Variants in SPIDR observed in about 807,000 individuals in gnomAD.
The protein encoded by SPIDR is scaffold protein involved in DNA repair, also known as DNA repair-scaffolding protein.
A neutral mutation model predicts 104.6 loss-of-function variants in SPIDR; 93 were observed. The ratio of observed to expected loss-of-function variants is 0.89; its 90% confidence interval spans 0.75 to 1.06. The LOEUF (loss-of-function observed/expected upper bound fraction) is 1.06, where lower values mean the gene tolerates loss of function less well. Ranked by LOEUF, SPIDR falls within the 50% of genes least tolerant of loss-of-function variation. The pLI, the probability that SPIDR is intolerant of heterozygous loss-of-function variation, is 0.00. For synonymous variants in SPIDR, 431 were observed against 416.9 expected (o/e 1.03, Z -0.41); for missense variants, 1,154 against 1,111.2 (o/e 1.04, Z -0.55).
chr8:47,369,160 G>A (rs1360962017), intron 5 of SPIDR, among the ~76,000 whole-genome samples: 1 of 152,146 alleles, frequency 6.6e-6, no homozygotes, highest in Admixed American at 6.5e-5. Flanking sequence ...CATTGTGCAG[G>A]AACAGGTGAG....
intron 8 of SPIDR, among the ~76,000 whole-genome samples, chr8:47,558,365 A>G (rs933466310): frequency 3.9e-4 from 59 of 152,342 alleles, no homozygotes; most frequent in Admixed American, 1.1e-3. Context: ...CAGGTTGGGT[A>G]CACTGTTATA....
At chr8:47,376,446 C>T (rs2058672480) in intron 5 of SPIDR, among the ~76,000 whole-genome samples, 1 of 152,162 alleles carries the variant, frequency 6.6e-6, no homozygotes, top group South Asian at 2.1e-4. Flanking sequence ...TCATGCCCAG[C>T]CTTCTGTTTA....
At chr8:47,616,646 C>T (rs1259509747) in intron 10 of SPIDR, among the ~76,000 whole-genome samples, 1 of 152,156 alleles carries the variant, frequency 6.6e-6, no homozygotes, top group Non-Finnish European at 1.5e-5. Context: ...TTACTTTTAA[C>T]ATGCTTCTCA....
rs1172493600 is a variant in SPIDR at position 47,406,917 on chromosome 8, G to T, written c.777-944G>T. On this transcript the variant is annotated intron_variant, in intron 6 of 19. Transcript: ENST00000297423. ...TCAAAGGGATATTATTTGAATAAAG[G>T]TAATGTAGTGAAATGATTAATGAAT... 3.9e-5 allele frequency among the ~76,000 whole-genome samples: 6 copies of T among 152,238 alleles called. No individual in the cohort carries two copies. The East Asian group carries it at 9.7e-4, about 25-fold the overall frequency.
intron 5 of SPIDR, among the ~76,000 whole-genome samples, chr8:47,318,319 C>T (rs531986500): frequency 1.3e-5 from 2 of 151,704 alleles, no homozygotes; most frequent in Non-Finnish European, 2.9e-5. Context: ...GTAGCCGATT[C>T]GATCAACTGG....
intron 5 of SPIDR, among the ~76,000 whole-genome samples, chr8:47,329,599 A>G (rs2048313548): frequency 6.6e-6 from 1 of 152,146 alleles, no homozygotes; most frequent in Non-Finnish European, 1.5e-5. Context: ...TACTAGTTTT[A>G]TGCCAGTCAC....
chr8:47,587,463 C>T (rs1286855813), intron 8 of SPIDR, among the ~76,000 whole-genome samples: 3 of 151,750 alleles, frequency 2.0e-5, no homozygotes, highest in Non-Finnish European at 4.4e-5. Context: ...AAAAAAATAA[C>T]GGGGCATGGT....
intron 5 of SPIDR, among the ~76,000 whole-genome samples, chr8:47,362,374 G>T (rs2056192727): frequency 6.6e-6 from 1 of 152,146 alleles, no homozygotes; most frequent in African/African-American, 2.4e-5. Context: ...GTCCTCCTAT[G>T]CATCCTGTGG....
intron 7 of SPIDR, among the ~76,000 whole-genome samples, chr8:47,438,804 A>G (rs1233306991): frequency 6.6e-6 from 1 of 152,238 alleles, no homozygotes; most frequent in Non-Finnish European, 1.5e-5. Context: ...GGCCCAGTAT[A>G]TGGACATGTG....
At chr8:47,511,867 C>T (rs146121210) in intron 8 of SPIDR, 7 of 824,460 alleles carry the variant, frequency 8.5e-6, no homozygotes, top group East Asian at 2.4e-5. Flanking sequence ...GGCATAAAAC[C>T]TCTGGCCTTC....
chr8:47,365,810 G>A (rs2057095294), intron 5 of SPIDR, among the ~76,000 whole-genome samples: 1 of 151,990 alleles, frequency 6.6e-6, no homozygotes, highest in Admixed American at 6.6e-5. Flanking sequence ...ACTTCTTCCA[G>A]GCAAGTAAAG....
chr8:47,684,802 C>T (rs1235381866), intron 11 of SPIDR, among the ~76,000 whole-genome samples: 1 of 152,154 alleles, frequency 6.6e-6, no homozygotes, highest in Non-Finnish European at 1.5e-5. Context: ...CCATGTTTTT[C>T]CCAAGGAAGA....
At chr8:47,582,903 C>T (rs1380997888) in intron 8 of SPIDR, among the ~76,000 whole-genome samples, 1 of 151,794 alleles carries the variant, frequency 6.6e-6, no homozygotes, top group Admixed American at 6.6e-5. Context: ...GACACACACA[C>T]ACACACGTAT....
At chr8:47,307,969 A>G (rs2043398303) in intron 5 of SPIDR, among the ~76,000 whole-genome samples, 1 of 151,454 alleles carries the variant, frequency 6.6e-6, no homozygotes, top group African/African-American at 2.4e-5. Flanking sequence ...TTTCCTGTAT[A>G]TCTTGTTATT....
intron 16 of SPIDR, among the ~76,000 whole-genome samples, chr8:47,714,982 C>T (rs1040816993): frequency 1.4e-4 from 22 of 152,192 alleles, no homozygotes; most frequent in African/African-American, 5.1e-4. Context: ...TAATTCACTC[C>T]TTTAAAGTGT....
At position 47,260,969 on chromosome 8, in the gene SPIDR, GCA is replaced by G; in HGVS notation, c.12_13del (p.Ser5ProfsTer6). The G allele has an allele frequency of 1.6e-6, 2 of 1,230,160 alleles. No homozygotes were observed. The highest frequency in any genetic ancestry group is 2.0e-6 in the Non-Finnish European group (2 of 986,748). The allele number at this position is 1,230,160 out of a possible 1,614,324, so 76.2% of individuals were successfully genotyped here. A position where few individuals can be genotyped will look rare whatever the true frequency, so the allele number is the denominator to read the frequency against. On this transcript the variant is annotated frameshift_variant, in exon 1 of 20. Coordinates refer to ENST00000297423, the MANE Select transcript of SPIDR (RefSeq NM_001080394.4). LOFTEE classifies it high-confidence loss of function. ...GCGGCGCTCCCGGAGATGCCCCGCG[GCA>G]GCCGCGCTCGGGGCTCTAAGGTAGG...
At chr8:47,511,763 C>G (rs2082362415) in intron 8 of SPIDR, 1 of 1,300,170 alleles carries the variant, frequency 7.7e-7, no homozygotes, top group Admixed American at 1.7e-5. Context: ...GCTCCATGCT[C>G]TTTGGCACCT....
intron 10 of SPIDR, among the ~76,000 whole-genome samples, chr8:47,627,247 G>A (rs945277066): frequency 1.2e-4 from 18 of 152,100 alleles, no homozygotes; most frequent in African/African-American, 3.9e-4. Context: ...GTGGGGTGGC[G>A]GGAGCGGGGA....
intron 7 of SPIDR, among the ~76,000 whole-genome samples, chr8:47,410,500 T>C (rs1031424827): frequency 2.0e-5 from 3 of 152,054 alleles, no homozygotes; most frequent in African/African-American, 4.8e-5. Flanking sequence ...TCTATACATA[T>C]CTGTGGGTCA....
Sources: allele counts gnomAD v4.1 joint callset (sites outside exome capture counted in the v4.1 genomes callset), GRCh38; gene constraint gnomAD v4.1.1; transcripts MANE v1.5; gene names NCBI Gene and HGNC (gene_info 2026-07-23, HGNC 2026-07-21).